XKR3: variants seen among roughly 807,000 people sequenced by gnomAD.
The protein encoded by XKR3 is XK related 3.
Under a neutral mutation model 40.3 loss-of-function variants are expected in XKR3, and 27 were observed. The observed-to-expected ratio is 0.67, with a 90% CI of 0.49 to 0.92. The LOEUF is 0.92. Ranked by LOEUF, XKR3 falls within the 40% of genes least tolerant of loss-of-function variation. The probability of loss-of-function intolerance (pLI) is 0.00; values close to 1 mark genes in which losing one functional copy is unlikely to be tolerated. For missense variants in XKR3, 472 were observed against 537.6 expected, an observed-to-expected ratio of 0.88 and a Z score of 1.21; for synonymous variants, 193 against 195.4, an observed-to-expected ratio of 0.99 and a Z score of 0.10.
rs2060113090 is a variant in XKR3, at chr22:16,790,894, T to C, written c.590-6485A>G. On this transcript the variant is annotated intron_variant, in intron 3 of 3. Transcript: ENST00000684488. ...AAGAATAAAAAGAAAAAAGAAACGT[T>C]GAAAAAAAAAAAAGAATATGGAGGA... Among the ~76,000 whole-genome samples, 4 of 63,274 alleles carry C rather than the reference T, an allele frequency of 6.3e-5. No homozygotes were observed. In the Admixed American group the frequency reaches 6.6e-4, roughly 10 times the overall value. The allele number at this position is 63,274 out of a possible 152,430, so 41.5% of individuals were successfully genotyped here.
intron 1 of XKR3, among the ~76,000 whole-genome samples, chr22:16,816,539 G>A (rs974831569): frequency 1.1e-4 from 16 of 150,562 alleles, no homozygotes; most frequent in Non-Finnish European, 1.5e-4. Context: ...AAATTCCTAC[G>A]TACCATTTTA....
chr22:16,796,678 A>T (rs1389963344), intron 3 of XKR3, among the ~76,000 whole-genome samples: 2 of 152,216 alleles, frequency 1.3e-5, no homozygotes, highest in African/African-American at 4.8e-5. Flanking sequence ...CATCAAAAGA[A>T]TGTACTTGAA....
At position 16,784,554 on chromosome 22, in the gene XKR3, A is replaced by G; in HGVS notation, c.590-145T>C. 7.1e-6 allele frequency: 6 copies of G among 843,662 alleles called. No homozygotes were observed. In the South Asian group the frequency reaches 1.1e-4, roughly 16 times the overall value. 52.3% of individuals were successfully genotyped at this position (843,662 alleles called of 1,614,324 possible). On this transcript the variant is annotated intron_variant, in intron 3 of 3. Transcript: ENST00000684488. The stretch of plus-strand genomic sequence containing the variant: ...TTACTTATAAAAAGAAAGGTTTGTT[A>G]ATCTTCCATTTTCAGGGATACAGTA...
At chr22:16,803,246 G>GA (rs2060176646) in intron 2 of XKR3, among the ~76,000 whole-genome samples, 1 of 151,908 alleles carries the variant, frequency 6.6e-6, no homozygotes, top group African/African-American at 2.4e-5. Context: ...TCAAAAATGA[G>GA]AAAAAAACTA....
chr22:16,803,638 G>C (rs1244965048), intron 2 of XKR3, among the ~76,000 whole-genome samples: 1 of 152,204 alleles, frequency 6.6e-6, no homozygotes, highest in Admixed American at 6.5e-5. Flanking sequence ...AAAGGAGCCA[G>C]TCAAAATGCA....
intron 3 of XKR3, among the ~76,000 whole-genome samples, chr22:16,787,251 G>A (rs1396738918): frequency 1.3e-5 from 2 of 152,092 alleles, no homozygotes; most frequent in African/African-American, 4.8e-5. Flanking sequence ...AAGAACAAAT[G>A]TATTAGTCAC....
intron 1 of XKR3, among the ~76,000 whole-genome samples, chr22:16,809,597 A>G (rs118152368): frequency 2.0e-3 from 298 of 152,336 alleles, no homozygotes; most frequent in Admixed American, 4.6e-3. Flanking sequence ...GCTAAATGTA[A>G]TATGTTACCT....
chr22:16,790,728 A>G (rs1227317232), intron 3 of XKR3, among the ~76,000 whole-genome samples: 2 of 152,190 alleles, frequency 1.3e-5, no homozygotes, highest in African/African-American at 4.8e-5. Flanking sequence ...TAAAAATTAG[A>G]AAGAAAAAAA....
chr22:16,793,170 G>A (rs1193012208), intron 3 of XKR3, among the ~76,000 whole-genome samples: 115 of 152,196 alleles, frequency 7.6e-4, no homozygotes, highest in African/African-American at 1.8e-3. Context: ...GCTCCACCAC[G>A]CCCGGTTAAT....
At chr22:16,786,262 A>ACACACACACACACG (rs1190381844) in intron 3 of XKR3, among the ~76,000 whole-genome samples, 2 of 151,888 alleles carry the variant, frequency 1.3e-5, no homozygotes, top group East Asian at 3.9e-4. Flanking sequence ...GCGTGCACAC[A>ACACACACACACACG]CACACACACA....
intron 1 of XKR3, among the ~76,000 whole-genome samples, chr22:16,819,570 A>T (rs566239020): frequency 1.3e-5 from 2 of 152,212 alleles, no homozygotes; most frequent in East Asian, 3.8e-4. Flanking sequence ...TTAAGGAAAA[A>T]TAGCCTTAAC....
intron 3 of XKR3, among the ~76,000 whole-genome samples, chr22:16,787,246 C>A (rs1380592185): frequency 1.3e-5 from 2 of 151,366 alleles, no homozygotes; most frequent in African/African-American, 4.9e-5. Context: ...ATCCAAAGAA[C>A]AAATGTATTA....
chr22:16,809,583 A>T (rs746188209), intron 1 of XKR3, among the ~76,000 whole-genome samples: 8 of 152,282 alleles, frequency 5.3e-5, no homozygotes, highest in Non-Finnish European at 2.9e-5. Context: ...GTGACACCCT[A>T]ATTGCTAAAT....
intron 3 of XKR3, among the ~76,000 whole-genome samples, chr22:16,785,761 T>C (rs1176535523): frequency 1.2e-4 from 18 of 151,920 alleles, no homozygotes; most frequent in African/African-American, 4.3e-4. Flanking sequence ...GGCAGGGCAA[T>C]TACTTGAACC....
At chr22:16,807,600 T>C (rs536394324) in intron 2 of XKR3, 139 bp downstream of exon 2, 214 of 866,278 alleles carry the variant, frequency 2.5e-4, no homozygotes, top group Non-Finnish European at 3.4e-4. Flanking sequence ...TACGAAAGTG[T>C]GAAAACTAAA....
At chr22:16,790,778 C>T (rs1373640269) in intron 3 of XKR3, among the ~76,000 whole-genome samples, 2 of 151,678 alleles carry the variant, frequency 1.3e-5, no homozygotes, top group African/African-American at 2.4e-5. Flanking sequence ...TCTTAATAGG[C>T]CTTTCTCAAA....
At chr22:16,787,070 C>T (rs2060093768) in intron 3 of XKR3, among the ~76,000 whole-genome samples, 1 of 150,984 alleles carries the variant, frequency 6.6e-6, no homozygotes, top group African/African-American at 2.4e-5. Context: ...GAGGAAAAAA[C>T]TAATAAAAAA....
At chr22:16,815,444 A>C (rs1466698789) in intron 1 of XKR3, among the ~76,000 whole-genome samples, 3 of 152,024 alleles carry the variant, frequency 2.0e-5, no homozygotes, top group Non-Finnish European at 4.4e-5. Flanking sequence ...TTGTTATCAG[A>C]GTACTACTTG....
At chr22:16,802,225 C>T (rs1237131447) in intron 2 of XKR3, among the ~76,000 whole-genome samples, 6 of 152,158 alleles carry the variant, frequency 3.9e-5, no homozygotes, top group Non-Finnish European at 8.8e-5. Context: ...TAAGTACACA[C>T]TATCATTTAT....
Sources: allele counts gnomAD v4.1 joint callset (sites outside exome capture counted in the v4.1 genomes callset), GRCh38; gene constraint gnomAD v4.1.1; transcripts MANE v1.5; gene names NCBI Gene and HGNC (gene_info 2026-07-23, HGNC 2026-07-21).